Variants in ERC1 observed in about 807,000 individuals in gnomAD.
ERC1 encodes RAB6 interacting protein 2.
A neutral mutation model predicts 132.0 loss-of-function variants in ERC1; 56 were observed. The observed-to-expected ratio is 0.42, with a 90% CI of 0.34 to 0.53. ERC1 has a LOEUF of 0.53. ERC1 is among the 20% of genes least tolerant of loss of function. The pLI is 0.03. For missense variants in ERC1, 1,202 were observed against 1,349.9 expected (o/e 0.89, Z 1.72); for synonymous variants, 478 against 476.1 (o/e 1.00, Z -0.05).
rs571496028 is a variant in ERC1, at chr12:1,188,387, T to G, written c.2158-1472T>G. 1.8e-3 allele frequency among the ~76,000 whole-genome samples: 271 copies of G among 152,292 alleles called. 1 individual carries two copies. The highest frequency in any genetic ancestry group is 6.3e-3 in the African/African-American group (260 of 41,552). ...TTTTCTATTAGATATATTTATAGCC[T>G]TCTCCTGCCCATGAAGGATTGACTG... On this transcript the variant is annotated intron_variant, in intron 11 of 18. Coordinates refer to ENST00000360905, the MANE Select transcript of ERC1 (RefSeq NM_178040.4).
intron 8 of ERC1, among the ~76,000 whole-genome samples, chr12:1,154,020 C>T (rs553679997): frequency 1.3e-5 from 2 of 151,898 alleles, no homozygotes; most frequent in South Asian, 4.2e-4. Flanking sequence ...CTCTAGTGTC[C>T]GTTATACCAC....
In ERC1 at chr12:991,289, G is replaced by T; in HGVS notation, c.-190G>T. The T allele has an allele frequency of 1.0e-5, 1 of 97,976 alleles. No individual in the cohort carries two copies. The highest frequency in any genetic ancestry group is 1.9e-5 in the Non-Finnish European group (1 of 53,958). The allele number at this position is 97,976 out of a possible 1,614,324, so 6.1% of individuals were successfully genotyped here. On this transcript the variant is annotated 5_prime_UTR_variant, in exon 1 of 19. Transcript: ENST00000360905. ...GTGGCGGCGGCGGCGGTGCCTGGGCGGCAGCAGCAGCAGTAGCGGCAGCCC... is the reference window on the plus strand; with the variant it reads ...GTGGCGGCGGCGGCGGTGCCTGGGCTGCAGCAGCAGCAGTAGCGGCAGCCC...
At chr12:1,063,732 C>A (rs2154177185) in intron 2 of ERC1, among the ~76,000 whole-genome samples, 1 of 152,264 alleles carries the variant, frequency 6.6e-6, no homozygotes, top group South Asian at 2.1e-4. Flanking sequence ...AGGCTTACTC[C>A]TGTCATTTTG....
chr12:1,483,409 C>T (rs886081488), intron 18 of ERC1, among the ~76,000 whole-genome samples: 2 of 152,146 alleles, frequency 1.3e-5, no homozygotes, highest in Admixed American at 6.6e-5. Context: ...CATAATGTCA[C>T]GTGTCAGAAC....
intron 15 of ERC1, among the ~76,000 whole-genome samples, chr12:1,318,570 C>T (rs2081921398): frequency 6.6e-6 from 1 of 152,154 alleles, no homozygotes; most frequent in Non-Finnish European, 1.5e-5. Flanking sequence ...TTAATCAAGA[C>T]TATAATCAAA....
intron 18 of ERC1, among the ~76,000 whole-genome samples, chr12:1,487,822 G>GAGAA (rs372337524): frequency 0.49 from 72,964 of 148,502 alleles, 19,681 homozygotes; most frequent in Middle Eastern, 0.64. Context: ...GAGAGAGAGA[G>GAGAA]AGAAAGAAAA....
At chr12:1,038,337 AT>A in intron 2 of ERC1, among the ~76,000 whole-genome samples, 1 of 150,956 alleles carries the variant, frequency 6.6e-6, no homozygotes, top group East Asian at 1.9e-4. Flanking sequence ...TTGAGATATA[AT>A]TGAATTCACC....
chr12:1,302,513 C>G (rs1481546622), intron 15 of ERC1, among the ~76,000 whole-genome samples: 1 of 152,084 alleles, frequency 6.6e-6, no homozygotes, highest in Non-Finnish European at 1.5e-5. Context: ...GCATAAAATT[C>G]AAAAGAAAAT....
intron 12 of ERC1, chr12:1,203,830 G>A (rs970956427): frequency 1.3e-5 from 2 of 152,266 alleles, no homozygotes; most frequent in African/African-American, 4.8e-5. Context: ...CTACTGCTAA[G>A]CAGCATTGGA....
chr12:1,018,344 T>G (rs1195463236), intron 1 of ERC1, among the ~76,000 whole-genome samples: 1 of 152,188 alleles, frequency 6.6e-6, no homozygotes, highest in Non-Finnish European at 1.5e-5. Flanking sequence ...CCTGTGGAGC[T>G]GCTGGGAGTA....
At chr12:1,134,402 A>G (rs1448200843) in intron 7 of ERC1, among the ~76,000 whole-genome samples, 1 of 151,032 alleles carries the variant, frequency 6.6e-6, no homozygotes. Flanking sequence ...GCTGGAGTAC[A>G]GTGGTGTGAT....
chr12:991,041 A>C (rs1398373069), upstream of ERC1: 1 of 151,556 alleles, frequency 6.6e-6, no homozygotes, highest in African/African-American at 2.4e-5. Flanking sequence ...CCCGCTTCCC[A>C]GTTCCTCACC....
At chr12:1,093,957 C>CTATATATATATATATATATATATA (rs202076174) in intron 3 of ERC1, among the ~76,000 whole-genome samples, 748 of 68,694 alleles carry the variant, frequency 0.011, 71 homozygotes, top group East Asian at 0.017. Flanking sequence ...ATATATTTTT[C>CTATATATATATATATATATATATA]TATATATATA....
At chr12:1,271,563 AT>A (rs1220996674) in intron 14 of ERC1, among the ~76,000 whole-genome samples, 2 of 152,174 alleles carry the variant, frequency 1.3e-5, no homozygotes, top group African/African-American at 2.4e-5. Context: ...TTTATTATTG[AT>A]TTAGAGATGA....
intron 12 of ERC1, among the ~76,000 whole-genome samples, chr12:1,224,223 A>T (rs1007776857): frequency 1.3e-5 from 2 of 152,202 alleles, no homozygotes; most frequent in African/African-American, 4.8e-5. Context: ...ATTCAGAACT[A>T]TGCATACATT....
At chr12:1,165,265 A>G (rs1952286428) in intron 8 of ERC1, among the ~76,000 whole-genome samples, 1 of 152,090 alleles carries the variant, frequency 6.6e-6, no homozygotes, top group Non-Finnish European at 1.5e-5. Flanking sequence ...ACTGCCTTTT[A>G]GAAGATAGAG....
At chr12:1,288,040 A>G (rs962564153) in intron 14 of ERC1, among the ~76,000 whole-genome samples, 2 of 152,190 alleles carry the variant, frequency 1.3e-5, no homozygotes, top group Non-Finnish European at 2.9e-5. Flanking sequence ...AAAAGACAAC[A>G]GCTCAGATTT....
chr12:1,307,012 G>A (rs553888502), intron 15 of ERC1, among the ~76,000 whole-genome samples: 5 of 152,222 alleles, frequency 3.3e-5, no homozygotes, highest in African/African-American at 7.2e-5. Flanking sequence ...GACGGGCTCC[G>A]GAGCAAGTGA....
intron 8 of ERC1, among the ~76,000 whole-genome samples, chr12:1,160,629 G>A (rs1951799695): frequency 6.6e-6 from 1 of 152,066 alleles, no homozygotes; most frequent in Non-Finnish European, 1.5e-5. Flanking sequence ...TAGAATTTCT[G>A]GAACCCAGGA....
Sources: allele counts gnomAD v4.1 joint callset (sites outside exome capture counted in the v4.1 genomes callset), GRCh38; gene constraint gnomAD v4.1.1; transcripts MANE v1.5; gene names NCBI Gene and HGNC (gene_info 2026-07-23, HGNC 2026-07-21).